The following GFRA1 variants were observed in gnomAD, a reference collection of about 807,000 sequenced individuals.
GFRA1 encodes the protein GDNF family receptor alpha 1.
A neutral mutation model predicts 51.6 loss-of-function variants in GFRA1; 16 were observed. The observed-to-expected ratio is 0.31, with a 90% CI of 0.21 to 0.47. The LOEUF (loss-of-function observed/expected upper bound fraction) is 0.47. GFRA1 is among the 20% of genes least tolerant of loss of function. The probability of loss-of-function intolerance (pLI) is 1.00; values close to 1 mark genes in which losing one functional copy is unlikely to be tolerated. For missense variants in GFRA1, 530 were observed against 594.3 expected, an observed-to-expected ratio of 0.89 and a Z score of 1.13; for synonymous variants, 270 against 241.3, an observed-to-expected ratio of 1.12 and a Z score of -1.10.
At chr10:116,208,981 A>T (rs1227830231) in intron 5 of GFRA1, among the ~76,000 whole-genome samples, 2 of 152,232 alleles carry the variant, frequency 1.3e-5, no homozygotes, top group African/African-American at 4.8e-5. Context: ...CAGGGAATGT[A>T]GGTCAATTAA....
At position 116,269,524 on chromosome 10, in the gene GFRA1, G is replaced by A. The variant is rs759420191; in HGVS notation, c.397C>T (p.Arg133Trp). The A allele has an allele frequency of 1.4e-5, 23 of 1,602,034 alleles. No homozygotes were observed. The highest frequency in any genetic ancestry group is 1.6e-4 in the Middle Eastern group (1 of 6,064). The change falls in exon 4 of 11, where the codon CGG (arginine) becomes TGG (tryptophan). Residue 133 changes from arginine to tryptophan, a missense_variant. Coordinates refer to ENST00000355422, the MANE Select transcript of GFRA1 (RefSeq NM_005264.8). ...TTACCTGATATGAATGGGACCACCC[G>A]GAATATATCTGACAATCTGCTGTTA... ...PVNSRLSDIF[R>W]VVPFISDVFQ...
intron 4 of GFRA1, among the ~76,000 whole-genome samples, chr10:116,243,015 C>T (rs1967531084): frequency 6.6e-6 from 1 of 152,176 alleles, no homozygotes; most frequent in Non-Finnish European, 1.5e-5. Flanking sequence ...CACTTGTTTT[C>T]AGCTTCACTT....
In GFRA1 at chr10:116,241,330, C is replaced by A. The variant is rs750073526; in HGVS notation, c.418+28173G>T. Reference sequence around the variant, plus strand: ...GCATTTCAAATTTCCTGGAAGAAGCCGAGAAAACAGAGAGGCTTTGGAGAA... The same window carrying A: ...GCATTTCAAATTTCCTGGAAGAAGCAGAGAAAACAGAGAGGCTTTGGAGAA... On this transcript the variant is annotated intron_variant, in intron 4 of 10. Coordinates refer to ENST00000355422, the MANE Select transcript of GFRA1 (RefSeq NM_005264.8). Among the ~76,000 whole-genome samples, 26 of 152,096 alleles carry A rather than the reference C, an allele frequency of 1.7e-4. 1 individual carries two copies. Among genetic ancestry groups the A allele is most frequent in the Non-Finnish European group, 3.5e-4 (24 of 68,026 alleles).
At chr10:116,101,461 T>G (rs1304451551) in intron 6 of GFRA1, among the ~76,000 whole-genome samples, 2 of 152,054 alleles carry the variant, frequency 1.3e-5, no homozygotes, top group African/African-American at 4.8e-5. Context: ...AATACCAAGA[T>G]GGCCTTAGGA....
Position 116,058,289 on chromosome 10 carries a change from CG to C in GFRA1, c.*6108del, listed in dbSNP as rs1306891943. 6.6e-6 allele frequency: 1 copy of C among 152,190 alleles called. No individual in the cohort carries two copies. Among genetic ancestry groups the C allele is most frequent in the Non-Finnish European group, 1.5e-5 (1 of 68,078 alleles). 9.4% of individuals were successfully genotyped at this position (152,190 alleles called of 1,614,324 possible). ...GGTGTCAGGGGTCAATGTGCACATT[CG>C]AAGTTTTGCTCCTTTGAGCACTGCT... is the stretch of plus-strand genomic sequence containing the variant. On this transcript the variant is annotated 3_prime_UTR_variant, in exon 11 of 11. Transcript: ENST00000355422.
intron 4 of GFRA1, among the ~76,000 whole-genome samples, chr10:116,222,245 C>A (rs530401152): frequency 1.3e-5 from 2 of 152,242 alleles, no homozygotes; most frequent in South Asian, 2.1e-4. Flanking sequence ...GTCGCCCAGG[C>A]TGGAGTGCAG....
intron 5 of GFRA1, among the ~76,000 whole-genome samples, chr10:116,168,621 A>C (rs950539938): frequency 2.6e-5 from 4 of 152,128 alleles, no homozygotes; most frequent in Non-Finnish European, 1.5e-5. Context: ...CTTCAGGTGG[A>C]TCATGGCCAG....
intron 5 of GFRA1, among the ~76,000 whole-genome samples, chr10:116,171,696 A>G (rs1203770397): frequency 6.6e-6 from 1 of 152,224 alleles, no homozygotes; most frequent in East Asian, 1.9e-4. Flanking sequence ...GGTGACTGTT[A>G]GCCGCTGCTG....
In GFRA1 at chr10:116,269,482, T is replaced by C. The variant is rs374178207; in HGVS notation, c.418+21A>G. On this transcript the variant is annotated intron_variant, in intron 4 of 10. Transcript: ENST00000355422. ...ATTCAAGCACACAAAGGCATCAGCA[T>C]GGAAGTATAAATCTGCTTACCTGAT... The C allele has an allele frequency of 8.1e-6, 11 of 1,363,008 alleles. No individual in the cohort carries two copies. The African/African-American group carries it at 1.3e-4, about 16-fold the overall frequency. 84.4% of individuals were successfully genotyped at this position (1,363,008 alleles called of 1,614,324 possible).
chr10:116,168,401 C>T (rs1317748118), intron 5 of GFRA1, among the ~76,000 whole-genome samples: 1 of 152,074 alleles, frequency 6.6e-6, no homozygotes, highest in Non-Finnish European at 1.5e-5. Flanking sequence ...CTGAAGTTTC[C>T]CATGTGATCA....
chr10:116,189,818 T>C (rs76999126), intron 5 of GFRA1, among the ~76,000 whole-genome samples: 2,872 of 152,286 alleles, frequency 0.019, 76 homozygotes, highest in African/African-American at 0.064. Flanking sequence ...ACCATCGATA[T>C]AGAATAGTTA....
intron 5 of GFRA1, among the ~76,000 whole-genome samples, chr10:116,147,024 TTG>T (rs55916204): frequency 0.018 from 2,742 of 150,250 alleles, 33 homozygotes; most frequent in Middle Eastern, 0.058. Context: ...ATTTATTTAT[TTG>T]TGTGTGTGTG....
intron 7 of GFRA1, 101 bp downstream of exon 7, chr10:116,096,554 G>A: frequency 1.4e-6 from 1 of 727,858 alleles, no homozygotes; most frequent in Admixed American, 2.0e-5. Context: ...AGAGGTTACT[G>A]TGAGATTTTC....
Position 116,193,071 on chromosome 10 carries a change from TG to T in GFRA1, c.433+18559del, listed in dbSNP as rs537740737. 3.9e-5 allele frequency among the ~76,000 whole-genome samples: 6 copies of T among 152,252 alleles called. No homozygotes were observed. In the South Asian group the frequency reaches 1.2e-3, roughly 32 times the overall value. On this transcript the variant is annotated intron_variant, in intron 5 of 10. Transcript: ENST00000355422. ...CTGTTCCTTGGTCAAGCTGGGAAACTGTATTTGTCAGGCTAATTTTCAGAAG... is the reference window on the plus strand; with the variant it reads ...CTGTTCCTTGGTCAAGCTGGGAAACTTATTTGTCAGGCTAATTTTCAGAAG...
intron 5 of GFRA1, among the ~76,000 whole-genome samples, chr10:116,205,602 T>C (rs994718623): frequency 4.1e-5 from 1 of 24,522 alleles, no homozygotes; most frequent in Non-Finnish European, 6.9e-5. Context: ...AAAAGATATA[T>C]ATATATATAT....
chr10:116,086,157 G>C (rs1295313384), intron 9 of GFRA1, among the ~76,000 whole-genome samples: 1 of 152,148 alleles, frequency 6.6e-6, no homozygotes, highest in Non-Finnish European at 1.5e-5. Context: ...CTGAGTCATG[G>C]GGCTGCTGTG....
Position 116,079,682 on chromosome 10 carries a change from C to T in GFRA1, c.1197+10059G>A, listed in dbSNP as rs149196557. On this transcript the variant is annotated intron_variant, in intron 9 of 10. Transcript: ENST00000355422. ...AAATACCCTACAATGCACAGGACAG[C>T]CCCCCGTAACAATTTTGCAGACCAA... Among the ~76,000 whole-genome samples the T allele has an allele frequency of 2.7e-3, 414 of 152,126 alleles. 3 individuals carry two copies. Among genetic ancestry groups the T allele is most frequent in the East Asian group, 0.011 (58 of 5,154 alleles).
chr10:116,173,908 C>A (rs1438207640), intron 5 of GFRA1, among the ~76,000 whole-genome samples: 1 of 152,164 alleles, frequency 6.6e-6, no homozygotes, highest in African/African-American at 2.4e-5. Context: ...TAGAGAAACC[C>A]TGTCTCTACT....
chr10:116,069,374 T>C (rs1199605804), intron 9 of GFRA1, among the ~76,000 whole-genome samples: 1 of 152,178 alleles, frequency 6.6e-6, no homozygotes, highest in Non-Finnish European at 1.5e-5. Context: ...CACTGAAATA[T>C]AGTACCTTGA....
Sources: allele counts gnomAD v4.1 joint callset (sites outside exome capture counted in the v4.1 genomes callset), GRCh38; gene constraint gnomAD v4.1.1; transcripts MANE v1.5; gene names NCBI Gene and HGNC (gene_info 2026-07-23, HGNC 2026-07-21).